ABCC8: variants seen among roughly 807,000 people sequenced by gnomAD.
ABCC8 encodes the protein ATP binding cassette subfamily C member 8.
In ABCC8, 137 loss-of-function variants were observed where a neutral mutation model predicts 188.0. That is an observed-to-expected ratio of 0.73 (90% CI 0.63 to 0.84). The LOEUF (loss-of-function observed/expected upper bound fraction) is 0.84. Ranked by LOEUF, ABCC8 falls within the 40% of genes least tolerant of loss-of-function variation. The probability of loss-of-function intolerance (pLI) is 0.00; values close to 1 mark genes in which losing one functional copy is unlikely to be tolerated. For missense variants in ABCC8, 1,750 were observed against 2,072.7 expected (o/e 0.84, Z 3.02); for synonymous variants, 797 against 846.5 (o/e 0.94, Z 1.01).
intron 8 of ABCC8, 93 bp downstream of exon 8, chr11:17,448,423 A>T (rs754723373): frequency 1.4e-5 from 16 of 1,135,944 alleles, no homozygotes; most frequent in Non-Finnish European, 2.1e-5. Context: ...CATGGAGTGG[A>T]AGACGGTGTG....
intron 8 of ABCC8, among the ~76,000 whole-genome samples, chr11:17,445,178 C>A (rs528448078): frequency 6.6e-6 from 1 of 152,322 alleles, no homozygotes; most frequent in Non-Finnish European, 1.5e-5. Flanking sequence ...AATTCCTTAA[C>A]CTGGTGTTCT....
intron 16 of ABCC8, among the ~76,000 whole-genome samples, chr11:17,420,202 T>C (rs529618030): frequency 1.4e-4 from 22 of 152,374 alleles, no homozygotes; most frequent in African/African-American, 5.1e-4. Context: ...GGCTTGTCGC[T>C]GTCCTGAAAG....
intron 18 of ABCC8, among the ~76,000 whole-genome samples, chr11:17,415,001 G>T (rs905500167): frequency 3.4e-5 from 5 of 147,004 alleles, no homozygotes; most frequent in Admixed American, 3.3e-4. Flanking sequence ...CCAAATGGAA[G>T]AACTTTTTTT....
In ABCC8 at chr11:17,394,890, C is replaced by A. The variant is rs571920474; in HGVS notation, c.4411+282G>T. ...TGGGGCAGGGCAGGGCTGAAGATGCCCCCTTGGCATGGGGGACTCGCAATC... is the reference window on the plus strand; with the variant it reads ...TGGGGCAGGGCAGGGCTGAAGATGCACCCTTGGCATGGGGGACTCGCAATC... On this transcript the variant is annotated intron_variant, in intron 36 of 38. Transcript: ENST00000389817. 1.5e-4 allele frequency among the ~76,000 whole-genome samples: 23 copies of A among 152,180 alleles called. No homozygotes were observed. In the East Asian group the frequency reaches 3.9e-3, roughly 26 times the overall value.
chr11:17,396,180 G>C, intron 33 of ABCC8: 4 of 838,528 alleles, frequency 4.8e-6, no homozygotes, highest in Non-Finnish European at 7.1e-6. Context: ...CTTGGTGTGG[G>C]TCTGGGTGTG....
chr11:17,429,502 A>T (rs952074040), intron 12 of ABCC8: 8 of 152,046 alleles, frequency 5.3e-5, no homozygotes, highest in Non-Finnish European at 8.8e-5. Flanking sequence ...GCTGGCCCTC[A>T]TCTCTTGGGG....
Position 17,410,834 on chromosome 11 carries a change from G to A in ABCC8, c.2557-181C>T, listed in dbSNP as rs80254664. On this transcript the variant is annotated intron_variant, in intron 21 of 38. Transcript: ENST00000389817. Reference sequence around the variant, plus strand: ...GGGCCTTGGTTACCTCATTTAAAATGGGGCAGTTGTCAGATATCACTCTCA... The same window carrying A: ...GGGCCTTGGTTACCTCATTTAAAATAGGGCAGTTGTCAGATATCACTCTCA... The A allele has an allele frequency of 5.1e-3, 2,556 of 497,936 alleles. 10 individuals are homozygous for A. Among genetic ancestry groups the A allele is most frequent in the South Asian group, 6.3e-3 (74 of 11,674 alleles). The allele number at this position is 497,936 out of a possible 1,614,324, so 30.8% of individuals were successfully genotyped here.
At position 17,453,232 on chromosome 11, in the gene ABCC8, C is replaced by T. The variant is rs145136257; in HGVS notation, c.1063G>A (p.Ala355Thr). ...FVSSQEFLAN[A>T]YVLAVLLFLA... ...AACAGAAGCACAGCTAAGACGTAGG[C>T]ATTGGCAAGGAACTCTTGGGATGAG... Residue 355 changes from alanine to threonine, a missense_variant, in exon 7 of 39, where the codon GCC becomes ACC. Transcript: ENST00000389817. The T allele has an allele frequency of 7.0e-4, 1,128 of 1,613,994 alleles. 2 individuals are homozygous for T. The highest frequency in any genetic ancestry group is 1.3e-3 in the Middle Eastern group (8 of 6,084).
rs564234881 is a variant in ABCC8, at chr11:17,427,640, T to C, written c.2116+227A>G. Among the ~76,000 whole-genome samples, 12 of 152,302 alleles carry C rather than the reference T, an allele frequency of 7.9e-5. No individual in the cohort carries two copies. The South Asian group carries it at 2.5e-3, about 32-fold the overall frequency. On this transcript the variant is annotated intron_variant, in intron 15 of 38. Coordinates refer to ENST00000389817, the MANE Select transcript of ABCC8 (RefSeq NM_000352.6). This position sits in a 1 kb window ranked among gnomAD's most constrained non-coding sequence, Gnocchi z 5.0. ...CATTACCTATACTGTCTGCAATGGA[T>C]GGTTTGACATTAAGGCTGGCAATTT...
rs201724038 is a variant in ABCC8 at position 17,427,108 on chromosome 11, C to G, written c.2163G>C (p.Ser721=). The change falls in exon 16 of 39, where the codon TCG becomes TCC. Residue 721 remains serine (S), a synonymous_variant. Coordinates refer to ENST00000389817, the MANE Select transcript of ABCC8 (RefSeq NM_000352.6). The surrounding 1 kb of genome is among the most constrained non-coding windows in gnomAD (Gnocchi z 5.0). ...IVGQVGCGKS[S]LLLAALGEMQ... ...TCTCCCCCAGTGCGGCTAGAAGGAG[C>G]GAGGACTTGCCGCAGCCCACCTGCC... 5.0e-6 allele frequency: 8 copies of G among 1,613,720 alleles called. No individual in the cohort carries two copies. Among genetic ancestry groups the G allele is most frequent in the Non-Finnish European group, 6.8e-6 (8 of 1,179,906 alleles).
At chr11:17,394,646 G>A (rs1448405050) in intron 36 of ABCC8, among the ~76,000 whole-genome samples, 1 of 152,164 alleles carries the variant, frequency 6.6e-6, no homozygotes, top group East Asian at 1.9e-4. Flanking sequence ...GGCAGTTCTG[G>A]GAGGGGGCGT....
intron 33 of ABCC8, chr11:17,396,696 A>G: frequency 1.7e-6 from 1 of 601,696 alleles, no homozygotes; most frequent in Non-Finnish European, 2.9e-6. Flanking sequence ...TTGGTGGATG[A>G]GTGAGAAGAC....
At position 17,432,770 on chromosome 11, in the gene ABCC8, C is replaced by T. The variant is rs141567097; in HGVS notation, c.1631-526G>A. On this transcript the variant is annotated intron_variant, in intron 10 of 38. Coordinates refer to ENST00000389817, the MANE Select transcript of ABCC8 (RefSeq NM_000352.6). ...CAGGATGTCCCTTAGAGTCTGTGTGCGGGTGGGGTAGCTGGTTTGCTGCAA... is the reference window on the plus strand; with the variant it reads ...CAGGATGTCCCTTAGAGTCTGTGTGTGGGTGGGGTAGCTGGTTTGCTGCAA... Among the ~76,000 whole-genome samples the T allele has an allele frequency of 2.1e-3, 323 of 152,188 alleles. 1 individual carries two copies. Among genetic ancestry groups the T allele is most frequent in the African/African-American group, 7.3e-3 (302 of 41,522 alleles).
At chr11:17,414,465 G>C (rs370913094) in intron 19 of ABCC8, 47 bp downstream of exon 19, 1 of 1,610,148 alleles carries the variant, frequency 6.2e-7, no homozygotes, top group South Asian at 1.1e-5. Context: ...GCTGGCCAGA[G>C]ACAGTTCCTC....
rs948390861 is a variant in ABCC8 at position 17,415,432 on chromosome 11, A to C, written c.2256-93T>G. ...GAGCTCCCTCCAACCCAACATGAGCATGCCTTTACAATCCCCTGGACCCAG... is the reference window on the plus strand; with the variant it reads ...GAGCTCCCTCCAACCCAACATGAGCCTGCCTTTACAATCCCCTGGACCCAG... On this transcript the variant is annotated intron_variant, in intron 17 of 38. Coordinates refer to ENST00000389817, the MANE Select transcript of ABCC8 (RefSeq NM_000352.6). The C allele has an allele frequency of 9.6e-6, 15 of 1,556,032 alleles. No homozygotes were observed. In the Admixed American group the frequency reaches 2.3e-4, roughly 24 times the overall value.
At chr11:17,441,418 T>C (rs1293331108) in intron 10 of ABCC8, among the ~76,000 whole-genome samples, 1 of 152,202 alleles carries the variant, frequency 6.6e-6, no homozygotes, top group African/African-American at 2.4e-5. Flanking sequence ...TTCTGTGTAA[T>C]CCCCACTCAT....
At chr11:17,437,091 C>CAA (rs71047551) in intron 10 of ABCC8, among the ~76,000 whole-genome samples, 14,633 of 55,166 alleles carry the variant, frequency 0.27, 3,220 homozygotes, top group Non-Finnish European at 0.32. Flanking sequence ...AACTCTGTCT[C>CAA]AAAAAAAAAA....
chr11:17,396,848 A>C (rs568084091), intron 33 of ABCC8, 68 bp downstream of exon 33: 5 of 1,595,042 alleles, frequency 3.1e-6, no homozygotes, highest in Non-Finnish European at 4.3e-6. Flanking sequence ...GAAGCCATCC[A>C]GCTCCGTGCA....
chr11:17,413,383 C>T lies in ABCC8; in HGVS notation c.2475+11G>A. 1 of 1,614,198 alleles carries T rather than the reference C, an allele frequency of 6.2e-7. No individual in the cohort carries two copies. ...TGGCTTTGAAAAAACCCCTCAGAGG[C>T]TGCTACTAACCCGTTCCCCAATCTG... On this transcript the variant is annotated intron_variant, in intron 20 of 38. Transcript: ENST00000389817.
Sources: allele counts gnomAD v4.1 joint callset (sites outside exome capture counted in the v4.1 genomes callset), GRCh38; gene constraint gnomAD v4.1.1; non-coding constraint Gnocchi (gnomAD v3.1); transcripts MANE v1.5; gene names NCBI Gene and HGNC (gene_info 2026-07-23, HGNC 2026-07-21).